Variants in RSPH10B observed in about 807,000 individuals in gnomAD.
RSPH10B encodes radial spoke head 10 homolog B.
In RSPH10B, 7 loss-of-function variants were observed where a neutral mutation model predicts 52.5. That is an observed-to-expected ratio of 0.13 (90% CI 0.08 to 0.25). RSPH10B has a LOEUF of 0.25. Among genes scored for constraint, RSPH10B ranks in the 10% least tolerant of loss-of-function variants. RSPH10B has a pLI of 1.00. For missense variants in RSPH10B, 89 were observed against 542.5 expected, an observed-to-expected ratio of 0.16 and a Z score of 8.30; for synonymous variants, 28 against 193.2, an observed-to-expected ratio of 0.14 and a Z score of 7.09.
chr7:5,947,588 G>A (rs200828869), intron 10 of RSPH10B, among the ~76,000 whole-genome samples: 2 of 81,974 alleles, frequency 2.4e-5, no homozygotes, highest in African/African-American at 8.4e-5. Context: ...GGTGGCACAT[G>A]CCTGTAATCC....
At chr7:5,961,534 G>A (rs868210758) in intron 3 of RSPH10B, among the ~76,000 whole-genome samples, 2,157 of 85,858 alleles carry the variant, frequency 0.025, 4 homozygotes, top group South Asian at 0.042. Flanking sequence ...GGAGAGACGG[G>A]GTTTTGCCAT....
At chr7:5,931,505 C>T (rs1779767479) in intron 17 of RSPH10B, among the ~76,000 whole-genome samples, 1 of 151,406 alleles carries the variant, frequency 6.6e-6, no homozygotes, top group Non-Finnish European at 1.5e-5. Flanking sequence ...GCGGGAAGAT[C>T]ACTTGGGCCC....
chr7:5,966,256 G>A (rs1430504425), intron 1 of RSPH10B, among the ~76,000 whole-genome samples: 1 of 75,514 alleles, frequency 1.3e-5, no homozygotes, highest in Non-Finnish European at 2.7e-5. Context: ...ATAGACGGTC[G>A]TACAACACTA....
At chr7:5,941,998 T>C (rs1780217887) in intron 13 of RSPH10B, among the ~76,000 whole-genome samples, 1 of 149,384 alleles carries the variant, frequency 6.7e-6, no homozygotes, top group African/African-American at 2.5e-5. Context: ...GTTCAAGCAA[T>C]TCTCCTGCCT....
chr7:5,947,652 T>A (rs1583232603), intron 10 of RSPH10B, among the ~76,000 whole-genome samples: 1 of 101,450 alleles, frequency 9.9e-6, no homozygotes, highest in Non-Finnish European at 2.1e-5. Flanking sequence ...GAGACAGAGG[T>A]TGCGGTGAGC....
intron 18 of RSPH10B, among the ~76,000 whole-genome samples, chr7:5,927,204 C>T (rs1468038272): frequency 2.2e-5 from 3 of 133,992 alleles, no homozygotes; most frequent in African/African-American, 8.5e-5. Flanking sequence ...ATCCTCCTGC[C>T]TCAGTCTCCA....
At chr7:5,961,563 G>A (rs1242458922) in intron 3 of RSPH10B, among the ~76,000 whole-genome samples, 10 of 87,780 alleles carry the variant, frequency 1.1e-4, no homozygotes, top group Admixed American at 4.6e-4. Flanking sequence ...GGCTGGTCTC[G>A]AACTCCTGAC....
intron 18 of RSPH10B, among the ~76,000 whole-genome samples, chr7:5,927,092 G>GTT (rs1779526046): frequency 2.1e-5 from 2 of 93,698 alleles, no homozygotes; most frequent in African/African-American, 9.0e-5. Context: ...GTGTGTGTGT[G>GTT]TGTGTATTTT....
intron 13 of RSPH10B, among the ~76,000 whole-genome samples, chr7:5,940,188 C>A (rs1383706764): frequency 5.7e-5 from 4 of 70,782 alleles, no homozygotes; most frequent in Non-Finnish European, 6.7e-5. Flanking sequence ...CAGAGCAAGA[C>A]TGTCTCAAAA....
chr7:5,928,313 G>T (rs141215733), exon 18 of RSPH10B: 1 of 1,613,048 alleles, frequency 6.2e-7, no homozygotes, highest in African/African-American at 1.3e-5. Context: ...ATGAAAGAGC[G>T]TGTTCACAAA....
chr7:5,927,059 TGTGTGTG>T (rs1779498343), intron 18 of RSPH10B, among the ~76,000 whole-genome samples: 3 of 85,852 alleles, frequency 3.5e-5, no homozygotes, highest in African/African-American at 1.5e-4. Flanking sequence ...TATGTGTGTG[TGTGTGTG>T]TATATGTGTG....
chr7:5,968,837 G>C (rs1376725638), upstream of RSPH10B, among the ~76,000 whole-genome samples: 1 of 42,338 alleles, frequency 2.4e-5, no homozygotes, highest in Non-Finnish European at 4.7e-5. Context: ...TTTTGGGTTT[G>C]TTTTTTTTTT....
upstream of RSPH10B, among the ~76,000 whole-genome samples, chr7:5,968,751 G>A (rs572719657): frequency 0.029 from 1,790 of 61,908 alleles, 191 homozygotes; most frequent in African/African-American, 0.069. Context: ...CTCGTGATCT[G>A]CCCGCCTTGG....
Position 5,940,151 on chromosome 7 carries a change from C to T in RSPH10B, c.1759-1322G>A, listed in dbSNP as rs1285494562. ...GGCAGAGGTTGCAGTGAGGTGAGAT[C>T]GTGCCACCGCACTCCAGCCTGGGTG... On this transcript the variant is annotated intron_variant, in intron 13 of 18. Transcript: ENST00000337579. Among the ~76,000 whole-genome samples the T allele has an allele frequency of 5.4e-5, 6 of 110,104 alleles. 1 individual carries two copies. The highest frequency in any genetic ancestry group is 1.9e-4 in the African/African-American group (6 of 32,254). The allele number at this position is 110,104 out of a possible 152,430, so 72.2% of individuals were successfully genotyped here. A position where few individuals can be genotyped will look rare whatever the true frequency, so the allele number is the denominator to read the frequency against.
chr7:5,961,204 T>G (rs1490259632), intron 3 of RSPH10B, among the ~76,000 whole-genome samples: 1 of 129,646 alleles, frequency 7.7e-6, no homozygotes, highest in Admixed American at 7.8e-5. Flanking sequence ...AGAACCCACC[T>G]TGGCAAGGTG....
chr7:5,966,486 A>C (rs113773844), intron 1 of RSPH10B, among the ~76,000 whole-genome samples: 4 of 97,362 alleles, frequency 4.1e-5, no homozygotes, highest in African/African-American at 1.5e-4. Context: ...AAATAAAATA[A>C]TTTTTTTAAA....
chr7:5,960,863 C>A lies in RSPH10B; in HGVS notation c.401G>T (p.Gly134Val), dbSNP rs1476333481. 3 of 1,070,762 alleles carry A rather than the reference C, an allele frequency of 2.8e-6. 1 individual carries two copies. In the East Asian group the frequency reaches 1.5e-4, roughly 53 times the overall value. The allele number at this position is 1,070,762 out of a possible 1,614,324, so 66.3% of individuals were successfully genotyped here. A position where few individuals can be genotyped will look rare whatever the true frequency, so the allele number is the denominator to read the frequency against. The change falls in exon 4 of 19, where the codon GGC becomes GTC. Residue 134 changes from glycine to valine, a missense_variant and splice_region_variant. Transcript: ENST00000337579. ...CATCGGGACATTCTTCACAAAGTCGCCCTGAAGCAGAACGGCCATGGGGTG... is the reference window on the plus strand; with the variant it reads ...CATCGGGACATTCTTCACAAAGTCGACCTGAAGCAGAACGGCCATGGGGTG...
chr7:5,926,225 T>TC, exon 19 of RSPH10B: 1 of 563,072 alleles, frequency 1.8e-6, no homozygotes, highest in Non-Finnish European at 3.2e-6. Context: ...ACTCCCGTAA[T>TC]CCAGCCATGT....
rs904218291 is a variant in RSPH10B at position 5,929,366 on chromosome 7, T to G, written c.2234-972A>C. Among the ~76,000 whole-genome samples the G allele has an allele frequency of 2.5e-5, 3 of 117,928 alleles. No homozygotes were observed. The Admixed American group carries it at 2.8e-4, about 11-fold the overall frequency. 77.4% of individuals were successfully genotyped at this position (117,928 alleles called of 152,430 possible). On this transcript the variant is annotated intron_variant, in intron 17 of 18. Coordinates refer to ENST00000337579, the Ensembl canonical transcript of RSPH10B. ...AGCTAATTATTATAGAGACAAGGTT[T>G]CGCTATGTTGCCCATGGTCTCAAAC... is the stretch of plus-strand genomic sequence containing the variant.
Sources: allele counts gnomAD v4.1 joint callset (sites outside exome capture counted in the v4.1 genomes callset), GRCh38; gene constraint gnomAD v4.1.1; transcripts MANE v1.5; gene names NCBI Gene and HGNC (gene_info 2026-07-23, HGNC 2026-07-21).